TMEM244: variants seen among roughly 807,000 people sequenced by gnomAD.
The protein encoded by TMEM244 is putative transmembrane protein 244.
A neutral mutation model predicts 15.8 loss-of-function variants in TMEM244; 13 were observed. That is an observed-to-expected ratio of 0.82 (90% CI 0.53 to 1.30). TMEM244 has a LOEUF of 1.30. Among genes scored for constraint, TMEM244 ranks in the 50% most tolerant of loss-of-function variants. The pLI is 0.00. For missense variants in TMEM244, 161 were observed against 144.9 expected (o/e 1.11, Z -0.57); for synonymous variants, 45 against 48.7 (o/e 0.92, Z 0.32).
At position 129,843,516 on chromosome 6, in the gene TMEM244, ATTAAAACAATTACC is replaced by A. The variant is rs1283685850; in HGVS notation, c.193_193+13del. 5 of 1,581,416 alleles carry A rather than the reference ATTAAAACAATTACC, an allele frequency of 3.2e-6. No individual in the cohort carries two copies. The African/African-American group carries it at 6.8e-5, about 21-fold the overall frequency. On this transcript the variant is annotated splice_donor_variant and splice_donor_5th_base_variant and coding_sequence_variant and intron_variant, in exon 3 of 5. Coordinates refer to ENST00000368143, the MANE Select transcript of TMEM244 (RefSeq NM_001010876.2). LOFTEE classifies it high-confidence loss of function. The stretch of plus-strand genomic sequence containing the variant: ...GTTCACTAATTGATAAGAATTTAAA[ATTAAAACAATTACC>A]TTTATAGTTTATGTTGAGCCATGAG...
intron 2 of TMEM244, among the ~76,000 whole-genome samples, 200 bp downstream of exon 2, chr6:129,845,567 C>T (rs1251106043): frequency 6.6e-6 from 1 of 152,048 alleles, no homozygotes; most frequent in Non-Finnish European, 1.5e-5. Flanking sequence ...TCATTCAAGG[C>T]CAGGGATTCA....
At position 129,845,819 on chromosome 6, in the gene TMEM244, G is replaced by T; in HGVS notation, c.67C>A (p.Leu23Ile). Residue 23 changes from leucine to isoleucine, a missense_variant, in exon 2 of 5, where the codon CTT becomes ATT. By Grantham distance (5) the Leu-to-Ile change is conservative (BLOSUM62 2). Coordinates refer to ENST00000368143, the MANE Select transcript of TMEM244 (RefSeq NM_001010876.2). ...GACACATAGTACACAGTGTAGAAAA[G>T]AATGACACATAGAAGAAACTTCTGC... ...VLQKFLLCVI[L>I]FYTVYYVSLS... 6.2e-7 allele frequency: 1 copy of T among 1,613,264 alleles called. No individual in the cohort carries two copies. The highest frequency in any genetic ancestry group is 8.5e-7 in the Non-Finnish European group (1 of 1,179,730).
rs371273913 is a variant in TMEM244 at position 129,850,670 on chromosome 6, GAA to G, written c.34-4820_34-4819del. Among the ~76,000 whole-genome samples the G allele has an allele frequency of 5.1e-3, 783 of 152,190 alleles. 8 individuals are homozygous for G. The highest frequency in any genetic ancestry group is 4.9e-3 in the Non-Finnish European group (336 of 67,968). On this transcript the variant is annotated intron_variant, in intron 1 of 4. Transcript: ENST00000368143. Reference sequence around the variant, plus strand: ...TAATAGCCACATTTATAAAAATTTTGAAAGAGTAAAATTAATTCTAATATTTA... The same window carrying G: ...TAATAGCCACATTTATAAAAATTTTGAGAGTAAAATTAATTCTAATATTTA...
chr6:129,845,679 C>A, intron 2 of TMEM244, 88 bp downstream of exon 2: 1 of 972,048 alleles, frequency 1.0e-6, no homozygotes, highest in Non-Finnish European at 1.6e-6. Flanking sequence ...TCCTCTAATC[C>A]ATAAAGACAT....
Position 129,838,457 on chromosome 6 carries a change from G to C in TMEM244, c.194-4872C>G, listed in dbSNP as rs1241040378. 8.5e-5 allele frequency among the ~76,000 whole-genome samples: 13 copies of C among 152,242 alleles called. No homozygotes were observed. In the South Asian group the frequency reaches 2.7e-3, roughly 32 times the overall value. Reference sequence around the variant, plus strand: ...AGCAGTATGTAGAGGGAAATTTATAGCACTAAATGCCCACAAGAGAAAGCA... The same window carrying C: ...AGCAGTATGTAGAGGGAAATTTATACCACTAAATGCCCACAAGAGAAAGCA... On this transcript the variant is annotated intron_variant, in intron 3 of 4. Transcript: ENST00000368143.
rs1346252966 is a variant in TMEM244 at position 129,845,799 on chromosome 6, A to G, written c.87T>C (p.Tyr29=). Residue 29 remains tyrosine (Y), a synonymous_variant, in exon 2 of 5, where the codon TAT becomes TAC. Coordinates refer to ENST00000368143, the MANE Select transcript of TMEM244 (RefSeq NM_001010876.2). ...TCACGCAGCCCATGCTCAGGGACAC[A>G]TAGTACACAGTGTAGAAAAGAATGA... ...LCVILFYTVY[Y]VSLSMGCVMF... The G allele has an allele frequency of 1.2e-6, 2 of 1,613,332 alleles. No homozygotes were observed. The highest frequency in any genetic ancestry group is 1.7e-6 in the Non-Finnish European group (2 of 1,179,752).
Position 129,861,234 on chromosome 6 carries a change from A to C in TMEM244, c.-46T>G. On this transcript the variant is annotated 5_prime_UTR_variant, in exon 1 of 5. Coordinates refer to ENST00000368143, the MANE Select transcript of TMEM244 (RefSeq NM_001010876.2). Reference sequence around the variant, plus strand: ...AGGTGATGAAAGCCCCACTCCTTATAGCGATGACATCTGGAAGAAGACACA... The same window carrying C: ...AGGTGATGAAAGCCCCACTCCTTATCGCGATGACATCTGGAAGAAGACACA... 6.2e-7 allele frequency: 1 copy of C among 1,607,766 alleles called. No homozygotes were observed. Among genetic ancestry groups the C allele is most frequent in the South Asian group, 1.1e-5 (1 of 90,654 alleles).
At chr6:129,843,680 C>G in intron 2 of TMEM244, 77 bp from the exon 3 acceptor site, 1 of 1,039,166 alleles carries the variant, frequency 9.6e-7, no homozygotes, top group Non-Finnish European at 1.5e-6. Context: ...ACACACGTTA[C>G]TATTTTCATA....
chr6:129,860,502 C>A (rs903357383), intron 1 of TMEM244, among the ~76,000 whole-genome samples: 2 of 152,024 alleles, frequency 1.3e-5, no homozygotes, highest in Non-Finnish European at 2.9e-5. Context: ...ATGTAGCACT[C>A]ACTCATAATT....
intron 3 of TMEM244, among the ~76,000 whole-genome samples, chr6:129,841,225 A>G (rs1776485163): frequency 6.6e-6 from 1 of 152,214 alleles, no homozygotes; most frequent in Non-Finnish European, 1.5e-5. Context: ...CATATACACC[A>G]TGGAACTCTA....
intron 2 of TMEM244, 70 bp downstream of exon 2, chr6:129,845,697 G>C: frequency 8.9e-7 from 1 of 1,122,630 alleles, no homozygotes; most frequent in Non-Finnish European, 1.3e-6. Flanking sequence ...CATATGAAAT[G>C]TTAAATATAA....
intron 1 of TMEM244, among the ~76,000 whole-genome samples, chr6:129,852,983 A>G (rs995702338): frequency 9.2e-5 from 14 of 152,110 alleles, no homozygotes; most frequent in Admixed American, 6.6e-5. Context: ...CAGTCTATTG[A>G]TGGAGCTCAT....
intron 3 of TMEM244, among the ~76,000 whole-genome samples, chr6:129,835,007 G>C (rs1370716183): frequency 6.6e-6 from 1 of 152,150 alleles, no homozygotes; most frequent in Non-Finnish European, 1.5e-5. Context: ...CTTATGCTTT[G>C]TTCATGATAG....
At chr6:129,836,065 C>T (rs1776400877) in intron 3 of TMEM244, among the ~76,000 whole-genome samples, 1 of 152,194 alleles carries the variant, frequency 6.6e-6, no homozygotes, top group South Asian at 2.1e-4. Flanking sequence ...CAGTTGTTCT[C>T]TCAGCATGGC....
At chr6:129,857,055 T>G (rs1444078973) in intron 1 of TMEM244, among the ~76,000 whole-genome samples, 1 of 152,034 alleles carries the variant, frequency 6.6e-6, no homozygotes, top group Non-Finnish European at 1.5e-5. Context: ...AGTTTCCTCT[T>G]CCATTACATT....
chr6:129,861,190 T>TACAC lies in TMEM244; in HGVS notation c.-6_-3dup. 6.2e-7 allele frequency: 1 copy of TACAC among 1,613,774 alleles called. No individual in the cohort carries two copies. Among genetic ancestry groups the TACAC allele is most frequent in the Non-Finnish European group, 8.5e-7 (1 of 1,179,722 alleles). On this transcript the variant is annotated 5_prime_UTR_variant, in exon 1 of 5. Transcript: ENST00000368143. ...AGCAACTCTGACCTGGAGAGCCATG[T>TACAC]ACACATCCTACGTCAAGGAGGTGAT...
chr6:129,839,672 A>C (rs1776460772), intron 3 of TMEM244, among the ~76,000 whole-genome samples: 1 of 152,232 alleles, frequency 6.6e-6, no homozygotes, highest in Admixed American at 6.5e-5. Flanking sequence ...TTGTATATTT[A>C]GAAAACCCCA....
At chr6:129,846,294 A>C (rs1776560179) in intron 1 of TMEM244, among the ~76,000 whole-genome samples, 1 of 152,162 alleles carries the variant, frequency 6.6e-6, no homozygotes, top group Non-Finnish European at 1.5e-5. Context: ...TTACTATAAA[A>C]TTTTCCTTGT....
chr6:129,840,765 A>G (rs1019255306), intron 3 of TMEM244, among the ~76,000 whole-genome samples: 1 of 152,236 alleles, frequency 6.6e-6, no homozygotes, highest in South Asian at 2.1e-4. Flanking sequence ...TGGGCAAAGT[A>G]TATGAAGAGA....
Sources: allele counts gnomAD v4.1 joint callset (sites outside exome capture counted in the v4.1 genomes callset), GRCh38; gene constraint gnomAD v4.1.1; transcripts MANE v1.5; gene names NCBI Gene and HGNC (gene_info 2026-07-23, HGNC 2026-07-21).